The following ARID2 variants were observed in gnomAD, a reference collection of about 807,000 sequenced individuals.
The protein encoded by ARID2 is AT-rich interactive domain-containing protein 2.
ARID2 carries 32 observed loss-of-function variants against 184.6 expected under a neutral mutation model. The ratio of observed to expected loss-of-function variants is 0.17; its 90% CI spans 0.13 to 0.23. The LOEUF (loss-of-function observed/expected upper bound fraction) is 0.23, where lower values mean the gene tolerates loss of function less well. ARID2 is among the 10% of genes least tolerant of loss of function. The pLI is 1.00. For missense variants in ARID2, 1,696 were observed against 2,197.6 expected (o/e 0.77, Z 4.56); for synonymous variants, 836 against 772.6 (o/e 1.08, Z -1.36).
intron 3 of ARID2, among the ~76,000 whole-genome samples, chr12:45,757,620 A>G (rs80352516): frequency 0.028 from 4,328 of 152,346 alleles, 85 homozygotes; most frequent in Non-Finnish European, 0.045. Flanking sequence ...AGTGGAATTT[A>G]TTTAGAATGC....
At chr12:45,878,203 A>G (rs916945717) in intron 16 of ARID2, among the ~76,000 whole-genome samples, 2 of 151,728 alleles carry the variant, frequency 1.3e-5, no homozygotes, top group Non-Finnish European at 2.9e-5. Flanking sequence ...CTAGGTGTTG[A>G]TTTTTTAATA....
rs2138083106 is a variant in ARID2, at chr12:45,811,549, C to T, written c.416C>T (p.Ser139Leu). 2.5e-6 allele frequency: 4 copies of T among 1,611,724 alleles called. No individual in the cohort carries two copies. The highest frequency in any genetic ancestry group is 3.4e-6 in the Non-Finnish European group (4 of 1,179,054). ...TACAATTACCAGCAACACAGTGTGT[C>T]GGGTAAATATCACTGCAAATTAACA... ...SSYNYQQHSVSDYLRQSYGLS... is the reference protein window; with the variant it reads ...SSYNYQQHSVLDYLRQSYGLS... The change falls in exon 4 of 21, where the codon TCG (serine) becomes TTG (leucine). Residue 139 changes from serine (S) to leucine (L), a missense_variant and splice_region_variant. This residue lies in a region of ARID2 where 148 missense variants were observed against 285.4 expected (regional missense o/e 0.52). Coordinates refer to ENST00000334344, the MANE Select transcript of ARID2 (RefSeq NM_152641.4).
At chr12:45,733,117 C>G (rs1305243930) in intron 3 of ARID2, among the ~76,000 whole-genome samples, 2 of 152,034 alleles carry the variant, frequency 1.3e-5, no homozygotes, top group Non-Finnish European at 2.9e-5. Context: ...ATGTCACTCT[C>G]TAGGTTTGTT....
intron 20 of ARID2, among the ~76,000 whole-genome samples, chr12:45,899,263 T>A (rs1424026303): frequency 1.0e-5 from 1 of 98,666 alleles, no homozygotes; most frequent in Admixed American, 1.3e-4. Flanking sequence ...AGAGCAAGAC[T>A]CTGTCTCAAA....
chr12:45,839,261 T>G (rs2138136054), intron 10 of ARID2, 68 bp from the exon 11 acceptor site: 1 of 1,360,594 alleles, frequency 7.3e-7, no homozygotes, highest in African/African-American at 1.5e-5. Flanking sequence ...GTACAACATG[T>G]GTTCACCAGT....
intron 2 of ARID2, among the ~76,000 whole-genome samples, chr12:45,730,928 G>C (rs1940980776): frequency 6.6e-6 from 1 of 150,584 alleles, no homozygotes; most frequent in African/African-American, 2.5e-5. Flanking sequence ...ATTTAAAAGG[G>C]GGCGACAGAG....
chr12:45,826,904 C>G (rs982087558), intron 6 of ARID2, among the ~76,000 whole-genome samples: 1 of 151,888 alleles, frequency 6.6e-6, no homozygotes, highest in Non-Finnish European at 1.5e-5. Flanking sequence ...TAATTTGTAA[C>G]CTGTTCTTTT....
In ARID2 at chr12:45,729,897, G is replaced by T. The variant is rs760657887; in HGVS notation, c.61G>T (p.Asp21Tyr). 3 of 1,611,110 alleles carry T rather than the reference G, an allele frequency of 1.9e-6. No individual in the cohort carries two copies. The highest frequency in any genetic ancestry group is 2.2e-5 in the East Asian group (1 of 44,738). ...GCGGAGAAAGGGACTCGCTTTCCTG[G>T]ACGAGCTGCGGCAGTTCCACCACAG... ...DERRKGLAFL[D>Y]ELRQFHHSRG... Residue 21 changes from aspartate (D) to tyrosine (Y), a missense_variant, in exon 1 of 21, where the codon GAC becomes TAC. Asp to Tyr is a radical substitution (Grantham distance 160, BLOSUM62 -3). Transcript: ENST00000334344.
Position 45,729,765 on chromosome 12 carries a change from G to A in ARID2, c.-72G>A. The A allele has an allele frequency of 7.0e-7, 1 of 1,437,678 alleles. No individual in the cohort carries two copies. The highest frequency in any genetic ancestry group is 9.5e-7 in the Non-Finnish European group (1 of 1,048,668). 89.1% of individuals were successfully genotyped at this position (1,437,678 alleles called of 1,614,324 possible). On this transcript the variant is annotated 5_prime_UTR_variant, in exon 1 of 21. It removes the in-frame stop codon of an upstream open reading frame in the 5' UTR. Coordinates refer to ENST00000334344, the MANE Select transcript of ARID2 (RefSeq NM_152641.4). The stretch of plus-strand genomic sequence containing the variant: ...GAGGAATGGGCTCCGGGCTCTGGTA[G>A]GAAGCGCTGGGAGCGGGGGGCGCTT...
intron 3 of ARID2, among the ~76,000 whole-genome samples, chr12:45,777,420 T>C (rs1942005458): frequency 2.0e-5 from 3 of 152,130 alleles, no homozygotes; most frequent in Admixed American, 6.5e-5. Flanking sequence ...GATAGTGTAT[T>C]GTGTATAATA....
At chr12:45,741,232 A>C (rs1007347153) in intron 3 of ARID2, among the ~76,000 whole-genome samples, 1 of 152,068 alleles carries the variant, frequency 6.6e-6, no homozygotes, top group Non-Finnish European at 1.5e-5. Flanking sequence ...ACTCTGTCTC[A>C]AAACACCCAG....
At chr12:45,863,989 G>T (rs551236453) in intron 16 of ARID2, among the ~76,000 whole-genome samples, 9 of 151,874 alleles carry the variant, frequency 5.9e-5, no homozygotes, top group Admixed American at 3.3e-4. Flanking sequence ...CAAAGTGACT[G>T]AGACTACAGG....
rs1943504983 is a variant in ARID2 at position 45,849,658 on chromosome 12, A to C, written c.1794A>C (p.Gly598=). 5 of 1,613,836 alleles carry C rather than the reference A, an allele frequency of 3.1e-6. No individual in the cohort carries two copies. Among genetic ancestry groups the C allele is most frequent in the Non-Finnish European group, 4.2e-6 (5 of 1,179,790 alleles). The stretch of plus-strand genomic sequence containing the variant: ...GGCAGGCACATATTCATGTGGTAGG[A>C]GTAAAACGGAGGGCTATACCACTTC... ...SNGQAHIHVV[G]VKRRAIPLPI... Residue 598 remains glycine (G), a synonymous_variant, in exon 14 of 21, where the codon GGA becomes GGC. Coordinates refer to ENST00000334344, the MANE Select transcript of ARID2 (RefSeq NM_152641.4).
rs1192780979 is a variant in ARID2 at position 45,765,651 on chromosome 12, T to A, written c.284+34337T>A. ...TTTATTCTCTCTTCAGTAAGCATTA[T>A]TGAGATATATAATTGATGTACAGTA... On this transcript the variant is annotated intron_variant, in intron 3 of 20. Transcript: ENST00000334344. 3.3e-5 allele frequency among the ~76,000 whole-genome samples: 5 copies of A among 152,192 alleles called. No individual in the cohort carries two copies. In the East Asian group the frequency reaches 7.7e-4, roughly 23 times the overall value.
chr12:45,905,953 T>G lies in ARID2; in HGVS notation c.*875T>G. 2 of 170,610 alleles carry G rather than the reference T, an allele frequency of 1.2e-5. No individual in the cohort carries two copies. Among genetic ancestry groups the G allele is most frequent in the East Asian group, 9.9e-5 (1 of 10,062 alleles). The allele number at this position is 170,610 out of a possible 1,614,324, so 10.6% of individuals were successfully genotyped here. A position where few individuals can be genotyped will look rare whatever the true frequency, so the allele number is the denominator to read the frequency against. On this transcript the variant is annotated 3_prime_UTR_variant, in exon 21 of 21. Coordinates refer to ENST00000334344, the MANE Select transcript of ARID2 (RefSeq NM_152641.4). ...TTTTTCTTTTTTCTTTTTTTTTTTC[T>G]TTTTTTTTTTGTATTATACACCTTG... is the stretch of plus-strand genomic sequence containing the variant.
intron 11 of ARID2, chr12:45,840,464 C>A (rs1397714000): frequency 2.6e-5 from 4 of 152,214 alleles, no homozygotes; most frequent in African/African-American, 9.6e-5. Context: ...CTGAAACTTA[C>A]TCTGAATATC....
Position 45,885,418 on chromosome 12 carries a change from C to CA in ARID2, c.4923-6350dup, listed in dbSNP as rs879571763. On this transcript the variant is annotated intron_variant, in intron 16 of 20. Transcript: ENST00000334344. Reference sequence around the variant, plus strand: ...CATCTTTTTAACTAGAATATTCCTGCAAAAAAAAAAAATCCCTTGCATTTT... The same window carrying CA: ...CATCTTTTTAACTAGAATATTCCTGCAAAAAAAAAAAAATCCCTTGCATTTT... Among the ~76,000 whole-genome samples the CA allele has an allele frequency of 7.3e-3, 1,025 of 139,498 alleles. 9 individuals carry two copies. The highest frequency in any genetic ancestry group is 0.021 in the African/African-American group (796 of 38,002). The allele number at this position is 139,498 out of a possible 152,430, so 91.5% of individuals were successfully genotyped here.
Position 45,901,402 on chromosome 12 carries a change from C to G in ARID2, c.5364-3532C>G, listed in dbSNP as rs572940976. Reference sequence around the variant, plus strand: ...AGCCAGGATGGTCTCGATCTCCTGACCTCGTGATCCGCCCTCCTCAGCCTC... The same window carrying G: ...AGCCAGGATGGTCTCGATCTCCTGAGCTCGTGATCCGCCCTCCTCAGCCTC... On this transcript the variant is annotated intron_variant, in intron 20 of 20. Coordinates refer to ENST00000334344, the MANE Select transcript of ARID2 (RefSeq NM_152641.4). Among the ~76,000 whole-genome samples, 26 of 151,802 alleles carry G rather than the reference C, an allele frequency of 1.7e-4. 1 individual carries two copies. In the South Asian group the frequency reaches 5.0e-3, roughly 29 times the overall value.
intron 4 of ARID2, among the ~76,000 whole-genome samples, 164 bp from the exon 5 acceptor site, chr12:45,817,506 G>A (rs1014651675): frequency 9.7e-4 from 135 of 138,670 alleles, no homozygotes; most frequent in Admixed American, 6.4e-3. Flanking sequence ...AAAGTTGAAC[G>A]TTTTGAACCT....
Sources: gnomAD v4.1 joint callset for allele counts (sites outside exome capture counted in the v4.1 genomes callset) on GRCh38, gnomAD v4.1.1 for gene constraint, gnomAD v4.1.1 regional missense constraint, MANE v1.5 for transcripts, NCBI Gene and HGNC (gene_info 2026-07-23, HGNC 2026-07-21) for gene names.